Variants in SPIRE1 observed in about 807,000 individuals in gnomAD.
SPIRE1 encodes spire type actin nucleation factor 1.
Under a neutral mutation model 94.1 loss-of-function variants are expected in SPIRE1, and 40 were observed. The ratio of observed to expected loss-of-function variants is 0.43; its 90% CI spans 0.33 to 0.55. SPIRE1 has a LOEUF of 0.55. SPIRE1 is among the 20% of genes least tolerant of loss of function. The pLI, the probability that SPIRE1 is intolerant of heterozygous loss-of-function variation, is 0.06. For missense variants in SPIRE1, 838 were observed against 975.2 expected (o/e 0.86, Z 1.87); for synonymous variants, 376 against 371.7 (o/e 1.01, Z -0.13).
chr18:12,514,032 G>A (rs1007284756), intron 4 of SPIRE1, among the ~76,000 whole-genome samples: 1 of 151,862 alleles, frequency 6.6e-6, no homozygotes, highest in African/African-American at 2.4e-5. Context: ...TCTACAGATA[G>A]GGTCTCACTA....
intron 12 of SPIRE1, chr18:12,459,917 T>A: frequency 1.0e-6 from 1 of 985,788 alleles, no homozygotes; most frequent in Non-Finnish European, 1.2e-6. Context: ...ATACACTGGT[T>A]ATCCTAGGAA....
At chr18:12,499,598 A>AT (rs1340306631) in intron 6 of SPIRE1, among the ~76,000 whole-genome samples, 1 of 152,188 alleles carries the variant, frequency 6.6e-6, no homozygotes, top group African/African-American at 2.4e-5. Context: ...AAAAAAACTG[A>AT]TCAAAGACTT....
intron 2 of SPIRE1, among the ~76,000 whole-genome samples, chr18:12,564,210 G>A (rs771929977): frequency 2.6e-5 from 4 of 152,132 alleles, no homozygotes; most frequent in Non-Finnish European, 5.9e-5. Flanking sequence ...AGAGCAGTGT[G>A]ACCCTAGAGC....
chr18:12,457,371 C>T (rs968984179), intron 12 of SPIRE1, among the ~76,000 whole-genome samples: 6 of 152,294 alleles, frequency 3.9e-5, no homozygotes, highest in African/African-American at 1.4e-4. Context: ...TTCGACATCT[C>T]CAAAGCCAAA....
chr18:12,479,982 T>C, intron 9 of SPIRE1, 111 bp from the exon 10 acceptor site: 1 of 992,684 alleles, frequency 1.0e-6, no homozygotes, highest in Non-Finnish European at 1.5e-6. Context: ...CTTGATTCAG[T>C]AACACCTTGC....
chr18:12,473,681 TAAA>T (rs2032450972), intron 10 of SPIRE1, among the ~76,000 whole-genome samples: 4 of 152,174 alleles, frequency 2.6e-5, no homozygotes, highest in Non-Finnish European at 5.9e-5. Flanking sequence ...ATTGATAATG[TAAA>T]TAATTAACAT....
chr18:12,650,126 C>G (rs1259291766), intron 1 of SPIRE1, among the ~76,000 whole-genome samples: 1 of 152,188 alleles, frequency 6.6e-6, no homozygotes, highest in Non-Finnish European at 1.5e-5. Flanking sequence ...GTAATCCCAG[C>G]TATTTGGGAG....
At chr18:12,474,458 C>T (rs149055973) in intron 10 of SPIRE1, among the ~76,000 whole-genome samples, 213 of 152,248 alleles carry the variant, frequency 1.4e-3, no homozygotes, top group African/African-American at 4.9e-3. Flanking sequence ...TAGTCCCCAT[C>T]TCCATTTCCA....
chr18:12,472,794 G>C (rs1000069008), intron 10 of SPIRE1, among the ~76,000 whole-genome samples: 2 of 151,914 alleles, frequency 1.3e-5, no homozygotes, highest in Non-Finnish European at 2.9e-5. Flanking sequence ...CCAGTAGCTA[G>C]GACTACAGGT....
At chr18:12,573,212 G>C (rs2036001783) in intron 2 of SPIRE1, among the ~76,000 whole-genome samples, 1 of 152,132 alleles carries the variant, frequency 6.6e-6, no homozygotes, top group African/African-American at 2.4e-5. Context: ...AAGATATACA[G>C]ATGGAAAATA....
intron 2 of SPIRE1, among the ~76,000 whole-genome samples, chr18:12,613,622 G>A (rs1202019954): frequency 8.5e-5 from 13 of 152,278 alleles, no homozygotes; most frequent in African/African-American, 1.4e-4. Flanking sequence ...GTATCTGGCC[G>A]GGCACGGTGG....
At position 12,492,174 on chromosome 18, in the gene SPIRE1, G is replaced by A. The variant is rs28411962; in HGVS notation, c.1189+898C>T. 2.5e-3 allele frequency among the ~76,000 whole-genome samples: 384 copies of A among 152,286 alleles called. 5 individuals carry two copies. The highest frequency in any genetic ancestry group is 8.9e-3 in the African/African-American group (371 of 41,564). On this transcript the variant is annotated intron_variant, in intron 8 of 16. Transcript: ENST00000409402. ...GGAAGAGGGTATGGTTGCTTAGGGA[G>A]AACAGAAGCCAGGATAGAAACTTTG... is the stretch of plus-strand genomic sequence containing the variant.
intron 1 of SPIRE1, among the ~76,000 whole-genome samples, chr18:12,649,554 CTAA>C (rs2038319689): frequency 6.6e-6 from 1 of 152,184 alleles, no homozygotes; most frequent in Non-Finnish European, 1.5e-5. Context: ...ACATACAGCT[CTAA>C]TGACACTGTT....
chr18:12,463,411 C>T lies in SPIRE1; in HGVS notation c.1578G>A (p.Lys526=), dbSNP rs2031955146. The change falls in exon 12 of 17, where the codon AAG becomes AAA. Residue 526 remains lysine, a synonymous_variant. Transcript: ENST00000409402. The part of the protein sequence containing the change: ...QPPQRRHSIE[K]ETPTNVRQFL... ...ACTGCCTCACGTTAGTAGGCGTTTC[C>T]TTTTCAATGGAATGTCGTCTCTGGG... 1 of 1,614,014 alleles carries T rather than the reference C, an allele frequency of 6.2e-7. No individual in the cohort carries two copies. The highest frequency in any genetic ancestry group is 8.5e-7 in the Non-Finnish European group (1 of 1,179,976).
chr18:12,630,820 G>A (rs1368035775), intron 2 of SPIRE1, among the ~76,000 whole-genome samples: 2 of 152,180 alleles, frequency 1.3e-5, no homozygotes, highest in Non-Finnish European at 2.9e-5. Flanking sequence ...CAGAATGGCA[G>A]CCAGCCTCTT....
chr18:12,510,344 A>G (rs1051445125), intron 5 of SPIRE1, among the ~76,000 whole-genome samples: 5 of 152,144 alleles, frequency 3.3e-5, no homozygotes, highest in Admixed American at 6.6e-5. Context: ...AAATTTATCA[A>G]GTTATGCATT....
rs575655179 is a variant in SPIRE1, at chr18:12,536,209, C to T, written c.604-608G>A. 5.9e-4 allele frequency among the ~76,000 whole-genome samples: 90 copies of T among 152,232 alleles called. 1 individual carries two copies. The highest frequency in any genetic ancestry group is 2.1e-3 in the African/African-American group (88 of 41,552). Reference sequence around the variant, plus strand: ...TGGTTGGGAACAGAAAGAGAACCACCGTTTATTGTATACTGATGACGGATC... The same window carrying T: ...TGGTTGGGAACAGAAAGAGAACCACTGTTTATTGTATACTGATGACGGATC... On this transcript the variant is annotated intron_variant, in intron 3 of 16. Transcript: ENST00000409402.
At chr18:12,524,429 C>T (rs1022010611) in intron 4 of SPIRE1, among the ~76,000 whole-genome samples, 2 of 152,128 alleles carry the variant, frequency 1.3e-5, no homozygotes, top group Admixed American at 1.3e-4. Context: ...TAGAAAATCA[C>T]AAATTGGCAA....
Position 12,525,063 on chromosome 18 carries a change from T to C in SPIRE1, c.729+10413A>G, listed in dbSNP as rs2034467743. On this transcript the variant is annotated intron_variant, in intron 4 of 16. Coordinates refer to ENST00000409402, the MANE Select transcript of SPIRE1 (RefSeq NM_001128626.2). Reference sequence around the variant, plus strand: ...AGGCCGAGGCAGGCAGATCATGAGGTCAGGAGATCGAAACCATCCTGGCTA... The same window carrying C: ...AGGCCGAGGCAGGCAGATCATGAGGCCAGGAGATCGAAACCATCCTGGCTA... 4.0e-5 allele frequency among the ~76,000 whole-genome samples: 6 copies of C among 151,182 alleles called. No individual in the cohort carries two copies. In the South Asian group the frequency reaches 1.3e-3, roughly 32 times the overall value.
Sources: allele counts gnomAD v4.1 joint callset (sites outside exome capture counted in the v4.1 genomes callset), GRCh38; gene constraint gnomAD v4.1.1; transcripts MANE v1.5; gene names NCBI Gene and HGNC (gene_info 2026-07-23, HGNC 2026-07-21).